RARB: variants seen among roughly 807,000 people sequenced by gnomAD.
The protein encoded by RARB is retinoic acid receptor beta.
In RARB, 17 loss-of-function variants were observed where a neutral mutation model predicts 51.9. The ratio of observed to expected loss-of-function variants is 0.33; its 90% CI spans 0.22 to 0.49. The LOEUF (loss-of-function observed/expected upper bound fraction) is 0.49. RARB is among the 20% of genes least tolerant of loss of function. The pLI is 0.99. For missense variants in RARB, 369 were observed against 550.8 expected, an observed-to-expected ratio of 0.67 and a Z score of 3.30; for synonymous variants, 215 against 195.4, an observed-to-expected ratio of 1.10 and a Z score of -0.84.
At chr3:25,570,341 G>A (rs981291043) in intron 4 of RARB, among the ~76,000 whole-genome samples, 7 of 152,172 alleles carry the variant, frequency 4.6e-5, no homozygotes, top group African/African-American at 7.2e-5. Context: ...CCAGGGGGAC[G>A]GGGCCTGATC....
At chr3:25,152,828 A>G (rs1700312215) in intron 4 of RARB, among the ~76,000 whole-genome samples, 1 of 152,214 alleles carries the variant, frequency 6.6e-6, no homozygotes, top group Non-Finnish European at 1.5e-5. Context: ...GCTTTGACCT[A>G]TGTGAACATC....
At chr3:25,268,624 A>G (rs767103867) in intron 5 of RARB, among the ~76,000 whole-genome samples, 3 of 152,132 alleles carry the variant, frequency 2.0e-5, no homozygotes, top group Non-Finnish European at 2.9e-5. Context: ...TGTTGTACAA[A>G]CATTCCTGGG....
intron 5 of RARB, 32 bp from the exon 6 acceptor site, chr3:25,593,471 T>TAG: frequency 3.2e-6 from 5 of 1,571,232 alleles, no homozygotes; most frequent in Non-Finnish European, 4.4e-6. Flanking sequence ...CAGGATGGCT[T>TAG]AGAACATCCA....
chr3:25,351,867 TGTGA>T (rs1054969159), intron 5 of RARB, among the ~76,000 whole-genome samples: 1 of 152,164 alleles, frequency 6.6e-6, no homozygotes, highest in Non-Finnish European at 1.5e-5. Context: ...AGAGCTCTAA[TGTGA>T]GTGTTTCTGA....
rs138433242 is a variant in RARB at position 25,595,493 on chromosome 3, G to T, written c.1150+815G>T. ...TCATCCTTGCATGGAATTAAGAGTA[G>T]AAGTAAACAGCAGATACCAGTGTGG... On this transcript the variant is annotated intron_variant, in intron 7 of 7. Coordinates refer to ENST00000330688, the MANE Select transcript of RARB (RefSeq NM_000965.5). 2.6e-3 allele frequency among the ~76,000 whole-genome samples: 403 copies of T among 152,288 alleles called. 2 individuals carry two copies. The highest frequency in any genetic ancestry group is 9.2e-3 in the African/African-American group (384 of 41,566).
At chr3:25,003,078 T>A (rs1697200160) in intron 2 of RARB, among the ~76,000 whole-genome samples, 1 of 152,072 alleles carries the variant, frequency 6.6e-6, no homozygotes, top group Non-Finnish European at 1.5e-5. Context: ...TTTGGTATTA[T>A]ATATAATGAA....
intron 2 of RARB, among the ~76,000 whole-genome samples, chr3:24,975,118 A>G (rs963459360): frequency 1.3e-5 from 2 of 152,188 alleles, no homozygotes; most frequent in African/African-American, 4.8e-5. Context: ...CTTCATTTAC[A>G]GTGAGTAGTA....
rs144878180 is a variant in RARB at position 25,067,187 on chromosome 3, C to T, written c.-328+7011C>T. Among the ~76,000 whole-genome samples the T allele has an allele frequency of 1.8e-3, 279 of 152,150 alleles. 1 individual carries two copies. Among genetic ancestry groups the T allele is most frequent in the African/African-American group, 6.4e-3 (266 of 41,506 alleles). ...AGCCTGCCTGGAGAGGTGATTTGAGCGTCCTTGTCATATTAAAGGCAATTG... is the reference window on the plus strand; with the variant it reads ...AGCCTGCCTGGAGAGGTGATTTGAGTGTCCTTGTCATATTAAAGGCAATTG... On this transcript the variant is annotated intron_variant, in intron 3 of 11. Transcript: ENST00000383772.
intron 5 of RARB, among the ~76,000 whole-genome samples, chr3:25,299,768 T>A (rs1703997594): frequency 6.6e-6 from 1 of 152,052 alleles, no homozygotes; most frequent in Non-Finnish European, 1.5e-5. Flanking sequence ...AAAAAATAAA[T>A]AAATAAATAA....
chr3:25,402,546 G>A (rs1200674845), intron 5 of RARB, among the ~76,000 whole-genome samples: 1 of 152,170 alleles, frequency 6.6e-6, no homozygotes, highest in African/African-American at 2.4e-5. Context: ...AGATTTGGAA[G>A]CAACCTAAGT....
At chr3:25,479,295 A>G (rs1696114924) in intron 2 of RARB, among the ~76,000 whole-genome samples, 4 of 152,202 alleles carry the variant, frequency 2.6e-5, no homozygotes. Context: ...TGGTTTCAGT[A>G]TGGTAATACC....
chr3:25,325,270 T>C (rs924975285), intron 5 of RARB, among the ~76,000 whole-genome samples: 1 of 152,116 alleles, frequency 6.6e-6, no homozygotes, highest in South Asian at 2.1e-4. Flanking sequence ...TACATTATAA[T>C]TTGCGTGTAA....
chr3:25,372,145 C>G (rs1706319016), intron 5 of RARB, among the ~76,000 whole-genome samples: 1 of 152,202 alleles, frequency 6.6e-6, no homozygotes, highest in Non-Finnish European at 1.5e-5. Flanking sequence ...CAAACAGAAA[C>G]CACTGGAGGA....
rs549747212 is a variant in RARB, at chr3:25,430,517, A to G, written c.157+1629A>G. ...AGTTATTAGACCTAATAGAGTTTTT[A>G]CATGTAGACATTCTTCCTTTTGTAA... On this transcript the variant is annotated intron_variant, in intron 1 of 7. Transcript: ENST00000330688. 2.6e-5 allele frequency among the ~76,000 whole-genome samples: 4 copies of G among 152,354 alleles called. No individual in the cohort carries two copies. The South Asian group carries it at 8.3e-4, about 32-fold the overall frequency.
chr3:24,959,549 C>A (rs932561454), intron 2 of RARB, among the ~76,000 whole-genome samples: 7 of 152,126 alleles, frequency 4.6e-5, no homozygotes, highest in African/African-American at 1.7e-4. Context: ...TTGGAAAAAG[C>A]AGCATTCTAG....
chr3:25,499,646 A>C (rs1371707983), intron 2 of RARB, among the ~76,000 whole-genome samples: 8 of 118,006 alleles, frequency 6.8e-5, no homozygotes, highest in Non-Finnish European at 1.0e-4. Context: ...AAAGCAAAAA[A>C]CTCTTTCAAG....
At chr3:25,217,647 C>T (rs899570685) in intron 5 of RARB, among the ~76,000 whole-genome samples, 1 of 152,160 alleles carries the variant, frequency 6.6e-6, no homozygotes, top group Admixed American at 6.6e-5. Flanking sequence ...TTGTCTCCCC[C>T]TGAACCTTTC....
intron 5 of RARB, among the ~76,000 whole-genome samples, chr3:25,401,513 T>C (rs1186725606): frequency 6.6e-6 from 1 of 152,148 alleles, no homozygotes; most frequent in African/African-American, 2.4e-5. Context: ...TTAAAAGCAA[T>C]GTGCTGAATA....
chr3:25,419,570 T>C (rs1047433594), intron 5 of RARB, among the ~76,000 whole-genome samples: 1 of 152,162 alleles, frequency 6.6e-6, no homozygotes, highest in Admixed American at 6.5e-5. Context: ...CCAAGTGGAA[T>C]GTCCCATCAG....
Sources: allele counts gnomAD v4.1 joint callset (sites outside exome capture counted in the v4.1 genomes callset), GRCh38; gene constraint gnomAD v4.1.1; transcripts MANE v1.5; gene names NCBI Gene and HGNC (gene_info 2026-07-23, HGNC 2026-07-21).